FBP1: variants seen among roughly 807,000 people sequenced by gnomAD.
The protein encoded by FBP1 is fructose-bisphosphatase 1.
Under a neutral mutation model 29.9 loss-of-function variants are expected in FBP1, and 22 were observed. That is an observed-to-expected ratio of 0.74 (90% CI 0.53 to 1.05). The LOEUF is 1.05. Among genes scored for constraint, FBP1 ranks in the 50% least tolerant of loss-of-function variants. The probability of loss-of-function intolerance (pLI) is 0.00; values close to 1 mark genes in which losing one functional copy is unlikely to be tolerated. For synonymous variants in FBP1, 175 were observed against 178.6 expected, an observed-to-expected ratio of 0.98 and a Z score of 0.16; for missense variants, 345 against 448.2, an observed-to-expected ratio of 0.77 and a Z score of 2.08.
At chr9:94,613,848 C>A (rs559382965) in intron 3 of FBP1, among the ~76,000 whole-genome samples, 8 of 148,938 alleles carry the variant, frequency 5.4e-5, no homozygotes, top group Non-Finnish European at 1.0e-4. Context: ...GAGGCCGAGG[C>A]GGGCGGATCA....
intron 3 of FBP1, among the ~76,000 whole-genome samples, chr9:94,612,388 T>C (rs1052780477): frequency 1.3e-5 from 2 of 151,992 alleles, no homozygotes; most frequent in Non-Finnish European, 2.9e-5. Flanking sequence ...AAACAGCCCT[T>C]CCCTGACATA....
chr9:94,635,971 G>A (rs1043578846), intron 1 of FBP1, among the ~76,000 whole-genome samples: 77 of 152,126 alleles, frequency 5.1e-4, no homozygotes, highest in Admixed American at 4.9e-3. Flanking sequence ...GCTATTATAG[G>A]CATATGTAAA....
At chr9:94,619,454 T>C (rs1292629175) in intron 2 of FBP1, among the ~76,000 whole-genome samples, 1 of 152,184 alleles carries the variant, frequency 6.6e-6, no homozygotes, top group African/African-American at 2.4e-5. Flanking sequence ...TTATAAAAGC[T>C]GGGAATACTC....
intron 6 of FBP1, among the ~76,000 whole-genome samples, chr9:94,605,024 A>T (rs1827676491): frequency 6.6e-6 from 1 of 152,196 alleles, no homozygotes; most frequent in Non-Finnish European, 1.5e-5. Context: ...TTTTCCAAGT[A>T]GTGGATGTTG....
intron 3 of FBP1, 62 bp downstream of exon 3, chr9:94,617,706 G>A: frequency 9.4e-7 from 1 of 1,067,558 alleles, no homozygotes; most frequent in Admixed American, 1.7e-5. Flanking sequence ...CAGTGAAATA[G>A]GACTGGATGC....
At position 94,620,376 on chromosome 9, in the gene FBP1, C is replaced by G. The variant is rs938176280; in HGVS notation, c.286G>C (p.Val96Leu). The change falls in exon 2 of 7, where the codon GTG (valine) becomes CTG (leucine). Residue 96 changes from valine to leucine, a missense_variant. Physicochemically the swap from Val to Leu is conservative, Grantham distance 32. Coordinates refer to ENST00000375326, the MANE Select transcript of FBP1 (RefSeq NM_000507.4). ...LKSSFATCVLVSEEDKHAIIV... is the reference protein window; with the variant it reads ...LKSSFATCVLLSEEDKHAIIV... The stretch of plus-strand genomic sequence containing the variant: ...ATGGCGTGTTTATCTTCTTCTGACA[C>G]GAGAACACACGTGGCAAAGGATGAC... 1.2e-6 allele frequency: 2 copies of G among 1,614,172 alleles called. No homozygotes were observed. Among genetic ancestry groups the G allele is most frequent in the Non-Finnish European group, 1.7e-6 (2 of 1,180,026 alleles).
chr9:94,625,429 A>G (rs1828009880), intron 1 of FBP1, among the ~76,000 whole-genome samples: 1 of 152,088 alleles, frequency 6.6e-6, no homozygotes, highest in Admixed American at 6.5e-5. Flanking sequence ...CCACCAAGCC[A>G]TGCGGGGCTC....
chr9:94,621,786 G>A (rs563323001), intron 1 of FBP1, among the ~76,000 whole-genome samples: 1 of 152,274 alleles, frequency 6.6e-6, no homozygotes, highest in Admixed American at 6.5e-5. Flanking sequence ...TCAATAGAGA[G>A]ACCCAGCAAG....
At chr9:94,613,590 C>A (rs923123316) in intron 3 of FBP1, among the ~76,000 whole-genome samples, 1 of 151,854 alleles carries the variant, frequency 6.6e-6, no homozygotes, top group Non-Finnish European at 1.5e-5. Context: ...CATAGCGAGA[C>A]CCCCTTGTCT....
At position 94,610,136 on chromosome 9, in the gene FBP1, G is replaced by A; in HGVS notation, c.427-75C>T. On this transcript the variant is annotated intron_variant, in intron 3 of 6. Transcript: ENST00000375326. The stretch of plus-strand genomic sequence containing the variant: ...TTTTTTACAGTTCAACCATTAACAG[G>A]AGGCATTCTCAAGGTGCTCTTCTAA... 4 of 1,479,918 alleles carry A rather than the reference G, an allele frequency of 2.7e-6. No homozygotes were observed. In the South Asian group the frequency reaches 3.6e-5, roughly 13 times the overall value. 91.7% of individuals were successfully genotyped at this position (1,479,918 alleles called of 1,614,324 possible). A position where few individuals can be genotyped will look rare whatever the true frequency, so the allele number is the denominator to read the frequency against.
At chr9:94,629,468 C>T (rs1485892398) in intron 1 of FBP1, among the ~76,000 whole-genome samples, 1 of 152,176 alleles carries the variant, frequency 6.6e-6, no homozygotes, top group Non-Finnish European at 1.5e-5. Context: ...AGCCTGTTAA[C>T]TAGGAAGCCT....
At chr9:94,625,866 C>T (rs1273727672) in intron 1 of FBP1, among the ~76,000 whole-genome samples, 6 of 151,186 alleles carry the variant, frequency 4.0e-5, no homozygotes, top group African/African-American at 1.5e-4. Context: ...AGGACAGGGC[C>T]GCCCGCATCC....
intron 1 of FBP1, among the ~76,000 whole-genome samples, chr9:94,622,321 G>C (rs1343953205): frequency 6.6e-6 from 1 of 152,254 alleles, no homozygotes; most frequent in Non-Finnish European, 1.5e-5. Context: ...AAGGGGAAAA[G>C]ATGGGTCTTT....
At chr9:94,627,421 C>T (rs1828042088) in intron 1 of FBP1, among the ~76,000 whole-genome samples, 1 of 152,140 alleles carries the variant, frequency 6.6e-6, no homozygotes, top group Admixed American at 6.5e-5. Flanking sequence ...CTGAATGGCC[C>T]TGAAGGATAG....
At chr9:94,629,731 TG>T (rs1828075738) in intron 1 of FBP1, among the ~76,000 whole-genome samples, 1 of 152,022 alleles carries the variant, frequency 6.6e-6, no homozygotes, top group South Asian at 2.1e-4. Flanking sequence ...ATGACCTTTA[TG>T]GGGCATTGTC....
At chr9:94,632,485 T>C (rs373742571) in intron 1 of FBP1, among the ~76,000 whole-genome samples, 1 of 152,112 alleles carries the variant, frequency 6.6e-6, no homozygotes, top group South Asian at 2.1e-4. Flanking sequence ...CTGGCCAACA[T>C]AGTGAAACCC....
intron 5 of FBP1, among the ~76,000 whole-genome samples, chr9:94,606,136 C>T (rs531503104): frequency 4.6e-5 from 7 of 152,244 alleles, no homozygotes; most frequent in Non-Finnish European, 7.4e-5. Context: ...CCTCCTTGAA[C>T]GTCCTGCAAA....
intron 1 of FBP1, among the ~76,000 whole-genome samples, chr9:94,635,106 A>AC (rs1234279467): frequency 1.3e-5 from 2 of 151,750 alleles, no homozygotes; most frequent in African/African-American, 4.8e-5. Flanking sequence ...AAAAAAAAAA[A>AC]AAAACCAGTT....
intron 1 of FBP1, among the ~76,000 whole-genome samples, chr9:94,621,168 C>A (rs1273192163): frequency 7.7e-6 from 1 of 129,078 alleles, no homozygotes; most frequent in Admixed American, 9.9e-5. Flanking sequence ...GAGCCGAGAT[C>A]GTGCCACTGC....
Sources: gnomAD v4.1 joint callset for allele counts (sites outside exome capture counted in the v4.1 genomes callset) on GRCh38, gnomAD v4.1.1 for gene constraint, MANE v1.5 for transcripts, NCBI Gene and HGNC (gene_info 2026-07-23, HGNC 2026-07-21) for gene names.